The following F2 variants were observed in gnomAD, a reference collection of about 807,000 sequenced individuals.
F2 encodes the protein coagulation factor II, thrombin.
In F2, 34 loss-of-function variants were observed where a neutral mutation model predicts 81.9. The ratio of observed to expected loss-of-function variants is 0.42; its 90% CI spans 0.32 to 0.55. The LOEUF is 0.55. F2 is among the 20% of genes least tolerant of loss of function. The pLI is 0.18. For synonymous variants in F2, 296 were observed against 326.4 expected (o/e 0.91, Z 1.01); for missense variants, 630 against 833.4 (o/e 0.76, Z 3.00).
Position 46,739,266 on chromosome 11 carries a change from G to T in F2, c.1727G>T (p.Ser576Ile). The T allele has an allele frequency of 6.2e-7, 1 of 1,614,140 alleles. No homozygotes were observed. Among genetic ancestry groups the T allele is most frequent in the Non-Finnish European group, 8.5e-7 (1 of 1,180,034 alleles). ...GDSGGPFVMKSPFNNRWYQMG... is the reference protein window; with the variant it reads ...GDSGGPFVMKIPFNNRWYQMG... ...GGAAACCTCATCTTTCTTCTTCAGA[G>T]CCCCTTTAACAACCGCTGGTATCAA... is the stretch of plus-strand genomic sequence containing the variant. The change falls in exon 14 of 14, where the codon AGC (serine) becomes ATC (isoleucine). Residue 576 changes from serine (S) to isoleucine (I), a missense_variant and splice_region_variant. Ser to Ile is a moderately radical substitution (Grantham distance 142). Coordinates refer to ENST00000311907, the MANE Select transcript of F2 (RefSeq NM_000506.5).
Position 46,719,778 on chromosome 11 carries a change from C to T in F2, c.156C>T (p.Arg52=). ...CCAACACCTTCTTGGAGGAGGTGCG[C>T]AAGGGCAACCTGGAGCGAGAGTGCG... is the stretch of plus-strand genomic sequence containing the variant. ...RRANTFLEEV[R]KGNLERECVE... Residue 52 remains arginine (R), a synonymous_variant, in exon 2 of 14, where the codon CGC becomes CGT. Coordinates refer to ENST00000311907, the MANE Select transcript of F2 (RefSeq NM_000506.5). The surrounding 1 kb of genome is among the most constrained non-coding windows in gnomAD (Gnocchi z 4.7). 1 of 1,598,062 alleles carries T rather than the reference C, an allele frequency of 6.3e-7. No individual in the cohort carries two copies. The highest frequency in any genetic ancestry group is 1.1e-5 in the South Asian group (1 of 87,834).
chr11:46,720,900 CA>C lies in F2; in HGVS notation c.316+61del, dbSNP rs569227147. 1.3e-3 allele frequency: 2,017 copies of C among 1,599,968 alleles called. 10 individuals carry two copies. The Middle Eastern group carries it at 0.025, about 20-fold the overall frequency. On this transcript the variant is annotated intron_variant, in intron 4 of 13. Coordinates refer to ENST00000311907, the MANE Select transcript of F2 (RefSeq NM_000506.5). ...TGGAGGGGAGCCTGGGAGAAGAGCT[CA>C]GGGGTGGGTTTGGAGTGTGGCTGGT...
chr11:46,719,719 C>A lies in F2; in HGVS notation c.97C>A (p.Gln33Lys). 1 of 1,592,956 alleles carries A rather than the reference C, an allele frequency of 6.3e-7. No homozygotes were observed. The highest frequency in any genetic ancestry group is 8.5e-7 in the Non-Finnish European group (1 of 1,171,026). Residue 33 changes from glutamine (Q) to lysine (K), a missense_variant, in exon 2 of 14, where the codon CAA becomes AAA. By Grantham distance (53) the Gln-to-Lys change is moderately conservative (BLOSUM62 1). Coordinates refer to ENST00000311907, the MANE Select transcript of F2 (RefSeq NM_000506.5). This position sits in a 1 kb window ranked among gnomAD's most constrained non-coding sequence, Gnocchi z 4.7. ...CCTTACAGTGTTCCTGGCTCCTCAG[C>A]AAGCACGGTCGCTGCTCCAGCGGGT... ...HSQHVFLAPQ[Q>K]ARSLLQRVRR...
chr11:46,719,918 C>T lies in F2; in HGVS notation c.240+56C>T. The stretch of plus-strand genomic sequence containing the variant: ...GCCTCAGACCGGGCCCAACTCTAGA[C>T]ACTTCCACAGAGAAGCAAGCGAGGA... On this transcript the variant is annotated intron_variant, in intron 2 of 13. Transcript: ENST00000311907. The surrounding 1 kb of genome is among the most constrained non-coding windows in gnomAD (Gnocchi z 4.7). 3 of 1,539,448 alleles carry T rather than the reference C, an allele frequency of 1.9e-6. No individual in the cohort carries two copies. Among genetic ancestry groups the T allele is most frequent in the Non-Finnish European group, 2.6e-6 (3 of 1,144,824 alleles).
chr11:46,724,439 G>A (rs747100212), intron 6 of F2, among the ~76,000 whole-genome samples: 1 of 152,190 alleles, frequency 6.6e-6, no homozygotes. Flanking sequence ...TCATGCTGGG[G>A]CTGAGGCTGA....
rs750331579 is a variant in F2 at position 46,725,875 on chromosome 11, T to C, written c.576T>C (p.Thr192=). 1 of 1,613,060 alleles carries C rather than the reference T, an allele frequency of 6.2e-7. No individual in the cohort carries two copies. Among genetic ancestry groups the C allele is most frequent in the Non-Finnish European group, 8.5e-7 (1 of 1,179,930 alleles). Residue 192 remains threonine (T), a synonymous_variant, in exon 7 of 14, where the codon ACT becomes ACC. Coordinates refer to ENST00000311907, the MANE Select transcript of F2 (RefSeq NM_000506.5). The part of the protein sequence containing the change: ...SIPVCGQDQV[T]VAMTPRSEGS... ...ACCCACCAGGCCAGGATCAAGTCACTGTAGCGATGACTCCACGCTCCGAAG... is the reference window on the plus strand; with the variant it reads ...ACCCACCAGGCCAGGATCAAGTCACCGTAGCGATGACTCCACGCTCCGAAG...
At chr11:46,725,199 G>A (rs1468826496) in intron 6 of F2, among the ~76,000 whole-genome samples, 1 of 149,820 alleles carries the variant, frequency 6.7e-6, no homozygotes, top group Non-Finnish European at 1.5e-5. Flanking sequence ...CTCTCATATA[G>A]CTGGGATTAC....
In F2 at chr11:46,728,828, C is replaced by T. The variant is rs202076180; in HGVS notation, c.1463C>T (p.Thr488Met). Residue 488 changes from threonine (T) to methionine (M), a missense_variant, in exon 11 of 14, where the codon ACG (threonine) becomes ATG (methionine). Coordinates refer to ENST00000311907, the MANE Select transcript of F2 (RefSeq NM_000506.5). The surrounding 1 kb of genome is among the most constrained non-coding windows in gnomAD (Gnocchi z 5.1). ...CCTGTGTGTCTGCCCGACAGGGAGA[C>T]GGCAGCCAGGTGGGCCACCAGATGC... ...IHPVCLPDRE[T>M]AASLLQAGYK... The T allele has an allele frequency of 5.0e-6, 8 of 1,613,700 alleles. No homozygotes were observed. Among genetic ancestry groups the T allele is most frequent in the Admixed American group, 3.3e-5 (2 of 59,992 alleles).
In F2 at chr11:46,723,402, C is replaced by G. The variant is rs1331122822; in HGVS notation, c.443C>G (p.Pro148Arg). 16 of 1,613,952 alleles carry G rather than the reference C, an allele frequency of 9.9e-6. No homozygotes were observed. Among genetic ancestry groups the G allele is most frequent in the African/African-American group, 1.3e-5 (1 of 74,924 alleles). Residue 148 changes from proline to arginine, a missense_variant, in exon 6 of 14, where the codon CCT becomes CGT. Pro to Arg is a moderately radical substitution (Grantham distance 103). Transcript: ENST00000311907. This position sits in a 1 kb window ranked among gnomAD's most constrained non-coding sequence, Gnocchi z 5.6. ...TCCAGAATCAACTCCACTACCCATC[C>G]TGGGGCCGACCTACAGGAGAATTTC... is the stretch of plus-strand genomic sequence containing the variant. ...HKPEINSTTH[P>R]GADLQENFCR...
In F2 at chr11:46,719,879, C is replaced by T. The variant is rs756628713; in HGVS notation, c.240+17C>T. 61 of 1,553,556 alleles carry T rather than the reference C, an allele frequency of 3.9e-5. No homozygotes were observed. Among genetic ancestry groups the T allele is most frequent in the Non-Finnish European group, 4.4e-5 (51 of 1,150,288 alleles). ...ACGGCTACGGTGAGCCTGGGCTGCT[C>T]GGACGGTGCCGGGGCCTCAGACCGG... On this transcript the variant is annotated intron_variant, in intron 2 of 13. Transcript: ENST00000311907. This position sits in a 1 kb window ranked among gnomAD's most constrained non-coding sequence, Gnocchi z 4.7.
chr11:46,727,314 A>ACC (rs1204724624), intron 9 of F2, among the ~76,000 whole-genome samples: 1 of 151,882 alleles, frequency 6.6e-6, no homozygotes, highest in Non-Finnish European at 1.5e-5. Context: ...GAGCCACCAC[A>ACC]CCCGGCCCAT....
At position 46,726,162 on chromosome 11, in the gene F2, T is replaced by C. The variant is rs749022421; in HGVS notation, c.863T>C (p.Leu288Pro). Residue 288 changes from leucine (L) to proline (P), a missense_variant, in exon 7 of 14, where the codon CTC (leucine) becomes CCC (proline). Leu to Pro is a moderately conservative substitution (Grantham distance 98). Coordinates refer to ENST00000311907, the MANE Select transcript of F2 (RefSeq NM_000506.5). The surrounding 1 kb of genome is among the most constrained non-coding windows in gnomAD (Gnocchi z 5.9). ...GKPGDFGYCD[L>P]NYCEEAVEEE... ...CCTGGCGACTTTGGGTACTGCGACC[T>C]CAACTATTGTGGTGAGCTGCCTGGG... The C allele has an allele frequency of 1.2e-6, 2 of 1,613,780 alleles. No individual in the cohort carries two copies. Among genetic ancestry groups the C allele is most frequent in the East Asian group, 4.5e-5 (2 of 44,878 alleles).
Position 46,725,996 on chromosome 11 carries a change from C to T in F2, c.697C>T (p.Pro233Ser). The T allele has an allele frequency of 6.2e-7, 1 of 1,613,958 alleles. No individual in the cohort carries two copies. Among genetic ancestry groups the T allele is most frequent in the Non-Finnish European group, 8.5e-7 (1 of 1,179,968 alleles). Reference sequence around the variant, plus strand: ...CCTGGCGGTGACCACACATGGGCTCCCCTGCCTGGCCTGGGCCAGCGCACA... The same window carrying T: ...CCTGGCGGTGACCACACATGGGCTCTCCTGCCTGGCCTGGGCCAGCGCACA... ...GRLAVTTHGL[P>S]CLAWASAQAK... Residue 233 changes from proline to serine, a missense_variant, in exon 7 of 14, where the codon CCC becomes TCC. Transcript: ENST00000311907.
chr11:46,725,068 C>CAT (rs2064863004), intron 6 of F2, among the ~76,000 whole-genome samples: 1 of 97,488 alleles, frequency 1.0e-5, no homozygotes, highest in Non-Finnish European at 1.9e-5. Flanking sequence ...CTGCGCCCGG[C>CAT]CTTTTTTTTT....
In F2 at chr11:46,728,547, T is replaced by C; in HGVS notation, c.1299-117T>C. ...GCTGCCATGGCAGGAACCAGCCCTA[T>C]CCCCTCCCTGGTGGCCTGCAGGACA... On this transcript the variant is annotated intron_variant, in intron 10 of 13. Coordinates refer to ENST00000311907, the MANE Select transcript of F2 (RefSeq NM_000506.5). This position sits in a 1 kb window ranked among gnomAD's most constrained non-coding sequence, Gnocchi z 5.1. The C allele has an allele frequency of 8.4e-7, 1 of 1,183,846 alleles. No homozygotes were observed. Among genetic ancestry groups the C allele is most frequent in the Non-Finnish European group, 1.2e-6 (1 of 806,384 alleles). The allele number at this position is 1,183,846 out of a possible 1,614,324, so 73.3% of individuals were successfully genotyped here.
chr11:46,720,584 C>T (rs2064830018), intron 3 of F2, 37 bp downstream of exon 3: 1 of 1,613,188 alleles, frequency 6.2e-7, no homozygotes, highest in South Asian at 1.1e-5. Flanking sequence ...GGAAGGGAGG[C>T]CTGGGGACCC....
chr11:46,729,666 C>T, intron 12 of F2, 105 bp downstream of exon 12: 1 of 1,293,518 alleles, frequency 7.7e-7, no homozygotes, highest in Non-Finnish European at 1.1e-6. Context: ...TGCCTAACCT[C>T]TTGGTGGCTC....
chr11:46,726,919 G>A lies in F2; in HGVS notation c.1130+82G>A. The A allele has an allele frequency of 6.2e-7, 1 of 1,600,166 alleles. No homozygotes were observed. The highest frequency in any genetic ancestry group is 8.5e-7 in the Non-Finnish European group (1 of 1,171,086). ...CCCCCACCCTCAGGCCCTGCCTGCA[G>A]GCCTGGGCTTTACAGATGACAACAG... On this transcript the variant is annotated intron_variant, in intron 9 of 13. Transcript: ENST00000311907. The surrounding 1 kb of genome is among the most constrained non-coding windows in gnomAD (Gnocchi z 5.9).
At chr11:46,737,795 T>G (rs1435065660) in intron 12 of F2, among the ~76,000 whole-genome samples, 1 of 152,030 alleles carries the variant, frequency 6.6e-6, no homozygotes, top group African/African-American at 2.4e-5. Context: ...CTTAAAAAGT[T>G]TGCTTACGTT....
Sources: allele counts gnomAD v4.1 joint callset (sites outside exome capture counted in the v4.1 genomes callset), GRCh38; gene constraint gnomAD v4.1.1; non-coding constraint Gnocchi (gnomAD v3.1); transcripts MANE v1.5; gene names NCBI Gene and HGNC (gene_info 2026-07-23, HGNC 2026-07-21).